CARD8: variants seen among roughly 807,000 people sequenced by gnomAD.
CARD8 encodes caspase recruitment domain family member 8, also known as caspase recruitment domain-containing protein 8.
A neutral mutation model predicts 53.2 loss-of-function variants in CARD8; 38 were observed. The observed-to-expected ratio is 0.71, with a 90% confidence interval of 0.55 to 0.94. CARD8 has a LOEUF of 0.94. Ranked by LOEUF, CARD8 falls within the 40% of genes least tolerant of loss-of-function variation. The probability of loss-of-function intolerance (pLI) is 0.00; values close to 1 mark genes in which losing one functional copy is unlikely to be tolerated. For synonymous variants in CARD8, 245 were observed against 244.9 expected, an observed-to-expected ratio of 1.00 and a Z score of 0.00; for missense variants, 561 against 655.5, an observed-to-expected ratio of 0.86 and a Z score of 1.57.
chr19:48,203,829 T>G (rs2037245530), downstream of CARD8: 1 of 219,398 alleles, frequency 4.6e-6, no homozygotes, highest in African/African-American at 2.4e-5. Context: ...CCAGCTTCCT[T>G]AACCTTGTTC....
In CARD8 at chr19:48,231,807, T is replaced by C. The variant is rs766914018; in HGVS notation, c.395A>G (p.Asp132Gly). 2 of 1,613,756 alleles carry C rather than the reference T, an allele frequency of 1.2e-6. No individual in the cohort carries two copies. Among genetic ancestry groups the C allele is most frequent in the Admixed American group, 3.3e-5 (2 of 60,012 alleles). The change falls in exon 8 of 14, where the codon GAC becomes GGC. Residue 132 changes from aspartate to glycine, a missense_variant. Transcript: ENST00000651546. ...TATTTGATTCTCTTCTGAGCAAATG[T>C]CTCCTGAAAAGAAAATACTAGACAT... ...QESSEGQDSG[D>G]ICSEENQIVS...
intron 6 of CARD8, chr19:48,233,520 C>T (rs932944205): frequency 9.8e-5 from 38 of 387,882 alleles, no homozygotes; most frequent in African/African-American, 6.1e-4. Context: ...TTGCTGTCTG[C>T]GGCTACACAT....
chr19:48,232,506 A>AT lies in CARD8; in HGVS notation c.351-14dup. The AT allele has an allele frequency of 1.3e-6, 2 of 1,534,986 alleles. No homozygotes were observed. Among genetic ancestry groups the AT allele is most frequent in the Non-Finnish European group, 8.7e-7 (1 of 1,145,848 alleles). On this transcript the variant is annotated splice_polypyrimidine_tract_variant and intron_variant, in intron 6 of 13. Transcript: ENST00000651546. ...CTCTTCTGATACACTGGAGGTTGGGATCCCCATGTTACAAAAAGATGAAAA... is the reference window on the plus strand; with the variant it reads ...CTCTTCTGATACACTGGAGGTTGGGATTCCCCATGTTACAAAAAGATGAAAA...
At chr19:48,206,533 G>T, downstream of CARD8, 1 of 460,778 alleles carries the variant, frequency 2.2e-6, no homozygotes, top group South Asian at 1.5e-5. Flanking sequence ...GTGATAACAA[G>T]ACAGAAGTCT....
chr19:48,225,004 CG>C (rs1244634940), intron 10 of CARD8, among the ~76,000 whole-genome samples: 2 of 151,982 alleles, frequency 1.3e-5, no homozygotes, highest in Non-Finnish European at 2.9e-5. Context: ...CCGCCCACCT[CG>C]GCCTCCCAAA....
At chr19:48,244,588 T>C (rs1284487589) in intron 3 of CARD8, among the ~76,000 whole-genome samples, 1 of 152,088 alleles carries the variant, frequency 6.6e-6, no homozygotes, top group Non-Finnish European at 1.5e-5. Context: ...AGGAGATAAA[T>C]GTGGTAGAGG....
At chr19:48,230,057 G>A (rs1056980004) in intron 10 of CARD8, among the ~76,000 whole-genome samples, 4 of 152,110 alleles carry the variant, frequency 2.6e-5, no homozygotes, top group African/African-American at 7.2e-5. Flanking sequence ...ATGTTGCAGT[G>A]AGCCAAGATT....
At chr19:48,218,353 C>CTTTT (rs770280304) in intron 12 of CARD8, among the ~76,000 whole-genome samples, 1 of 108,988 alleles carries the variant, frequency 9.2e-6, no homozygotes, top group Non-Finnish European at 1.8e-5. Flanking sequence ...TTATCTTCTT[C>CTTTT]TTTTTTTTTT....
rs61047810 is a variant in CARD8 at position 48,208,983 on chromosome 19, C to CAAAAAAA, written c.*2720_*2726dup. On this transcript the variant is annotated 3_prime_UTR_variant, in exon 14 of 14. Transcript: ENST00000651546. ...TAGATGACAGAGCGAGACTCCATCTCAAAAAAAAAAAAAAAAAAAAAAAAA... is the reference window on the plus strand; with the variant it reads ...TAGATGACAGAGCGAGACTCCATCTCAAAAAAAAAAAAAAAAAAAAAAAAAAAAAAAA... 6.2e-5 allele frequency: 3 copies of CAAAAAAA among 48,132 alleles called. No individual in the cohort carries two copies. The highest frequency in any genetic ancestry group is 6.8e-4 in the East Asian group (1 of 1,460). The allele number at this position is 48,132 out of a possible 1,614,324, so 3.0% of individuals were successfully genotyped here. A position where few individuals can be genotyped will look rare whatever the true frequency, so the allele number is the denominator to read the frequency against.
chr19:48,233,227 T>G, intron 6 of CARD8: 1 of 417,700 alleles, frequency 2.4e-6, no homozygotes, highest in Non-Finnish European at 4.8e-6. Flanking sequence ...GAGCCAATGG[T>G]TCGTCATGCC....
At position 48,214,782 on chromosome 19, in the gene CARD8, T is replaced by C. The variant is rs1243233562; in HGVS notation, c.1348+558A>G. Among the ~76,000 whole-genome samples the C allele has an allele frequency of 9.0e-3, 489 of 54,492 alleles. 19 individuals are homozygous for C. The highest frequency in any genetic ancestry group is 0.038 in the Middle Eastern group (4 of 106). 35.7% of individuals were successfully genotyped at this position (54,492 alleles called of 152,430 possible). On this transcript the variant is annotated intron_variant, in intron 13 of 13. Transcript: ENST00000651546. ...CCTGCTATAAAGCTTTTTTTTTTTTTTTTTTTTTTTTTTTTTTTTTTGTAG... is the reference window on the plus strand; with the variant it reads ...CCTGCTATAAAGCTTTTTTTTTTTTCTTTTTTTTTTTTTTTTTTTTTGTAG...
rs145413035 is a variant in CARD8, at chr19:48,230,856, G to A, written c.693C>T (p.Gly231=). ...CTGCAGTGACATCAAACAAGGGGCC[G>A]CCCACCAGCCACTGTTCATGGTGCT... ...DLQHHEQWLV[G]GPLFDVTAEP... is the part of the protein sequence containing the mutation. The change falls in exon 9 of 14, where the codon GGC becomes GGT. Residue 231 remains glycine, a synonymous_variant. Coordinates refer to ENST00000651546, the MANE Select transcript of CARD8 (RefSeq NM_001184900.3). The A allele has an allele frequency of 1.1e-4, 177 of 1,613,682 alleles. No individual in the cohort carries two copies. Among genetic ancestry groups the A allele is most frequent in the Non-Finnish European group, 1.3e-4 (158 of 1,180,020 alleles).
At chr19:48,234,748 C>T (rs1024249401) in intron 5 of CARD8, among the ~76,000 whole-genome samples, 4 of 152,174 alleles carry the variant, frequency 2.6e-5, no homozygotes, top group Non-Finnish European at 5.9e-5. Context: ...ATTTAACTGG[C>T]TCTCTGTTTC....
At position 48,221,630 on chromosome 19, in the gene CARD8, T is replaced by C. The variant is rs113490923; in HGVS notation, c.1161+100A>G. On this transcript the variant is annotated intron_variant, in intron 11 of 13. Transcript: ENST00000651546. ...TTTTTTTAAAGGGCATATTTGTGAT[T>C]AATAAAAGAAAAATGTTGCATTTTG... The C allele has an allele frequency of 3.1e-5, 25 of 807,052 alleles. No individual in the cohort carries two copies. In the African/African-American group the frequency reaches 3.4e-4, roughly 11 times the overall value. The allele number at this position is 807,052 out of a possible 1,614,324, so 50.0% of individuals were successfully genotyped here.
rs8112588 is a variant in CARD8, at chr19:48,211,779, G to A, written c.1545C>T (p.Asp515=). 12,445 of 1,614,054 alleles carry A rather than the reference G, an allele frequency of 7.7e-3. 832 individuals carry two copies. In the African/African-American group the frequency reaches 0.15, roughly 19 times the overall value. The change falls in exon 14 of 14, where the codon GAC becomes GAT. Residue 515 remains aspartate, a synonymous_variant. Coordinates refer to ENST00000651546, the MANE Select transcript of CARD8 (RefSeq NM_001184900.3). ...MVEKKGDLAL[D]VLFRSISERD... ...TTTCACTAATGCTTCTGAAGAGCAC[G>A]TCCAGGGCCAGGTCCCCTTTCTTCT...
chr19:48,234,156 C>A, intron 6 of CARD8: 1 of 430,528 alleles, frequency 2.3e-6, no homozygotes, highest in Non-Finnish European at 4.1e-6. Flanking sequence ...AACCAATAAC[C>A]CACTGGTCTT....
chr19:48,221,954 G>T, intron 10 of CARD8, 99 bp from the exon 11 acceptor site: 1 of 911,202 alleles, frequency 1.1e-6, no homozygotes, highest in Non-Finnish European at 1.6e-6. Context: ...TAGCACGTAG[G>T]CTATGATTCA....
At chr19:48,240,872 A>G in intron 4 of CARD8, 90 bp downstream of exon 4, 1 of 1,038,888 alleles carries the variant, frequency 9.6e-7, no homozygotes, top group Non-Finnish European at 1.4e-6. Flanking sequence ...TCTTCCAGAA[A>G]ACATCCATGG....
chr19:48,246,980 C>T (rs1300113298), intron 3 of CARD8, among the ~76,000 whole-genome samples: 1 of 152,174 alleles, frequency 6.6e-6, no homozygotes, highest in African/African-American at 2.4e-5. Context: ...AATATACTTA[C>T]CTATGTATGA....
Sources: allele counts gnomAD v4.1 joint callset (sites outside exome capture counted in the v4.1 genomes callset), GRCh38; gene constraint gnomAD v4.1.1; transcripts MANE v1.5; gene names NCBI Gene and HGNC (gene_info 2026-07-23, HGNC 2026-07-21).